Variants in PCDHGA10 observed in about 807,000 individuals in gnomAD.
PCDHGA10 encodes the protein protocadherin gamma-A10.
A neutral mutation model predicts 59.5 loss-of-function variants in PCDHGA10; 42 were observed. The observed-to-expected ratio is 0.71, with a 90% CI of 0.55 to 0.91. The LOEUF is 0.91. Among genes scored for constraint, PCDHGA10 ranks in the 40% least tolerant of loss-of-function variants. The pLI is 0.00. For synonymous variants in PCDHGA10, 511 were observed against 517.2 expected (o/e 0.99, Z 0.16); for missense variants, 1,111 against 1,198.2 (o/e 0.93, Z 1.07).
chr5:141,419,999 C>T (rs369649545), intron 1 of PCDHGA10: 4 of 1,613,960 alleles, frequency 2.5e-6, no homozygotes, highest in Non-Finnish European at 3.4e-6. Flanking sequence ...TATTGCTCTA[C>T]GCCTGCGACA....
At position 141,491,546 on chromosome 5, in the gene PCDHGA10, C is replaced by T; in HGVS notation, c.2437-3261C>T. ...GAGGTGACGCTGCGGCCCACAGACT[C>T]GCAGAGCCACTGCTACAGGACGTGC... On this transcript the variant is annotated intron_variant, in intron 1 of 3. Transcript: ENST00000398610. This position sits in a 1 kb window ranked among gnomAD's most constrained non-coding sequence, Gnocchi z 6.9. 1.9e-6 allele frequency: 3 copies of T among 1,614,038 alleles called. No homozygotes were observed. Among genetic ancestry groups the T allele is most frequent in the Non-Finnish European group, 2.5e-6 (3 of 1,180,024 alleles).
chr5:141,477,296 G>C lies in PCDHGA10; in HGVS notation c.2437-17511G>C. On this transcript the variant is annotated intron_variant, in intron 1 of 3. Transcript: ENST00000398610. This position sits in a 1 kb window ranked among gnomAD's most constrained non-coding sequence, Gnocchi z 4.9. ...GCTGGTGACCTGCGAAGTTCCACCG[G>C]GTCTCCCTTTCAGCCTTACTTCTTC... 3 of 1,614,064 alleles carry C rather than the reference G, an allele frequency of 1.9e-6. No individual in the cohort carries two copies. Among genetic ancestry groups the C allele is most frequent in the African/African-American group, 1.3e-5 (1 of 75,014 alleles).
rs10038103 is a variant in PCDHGA10 at position 141,414,849 on chromosome 5, C to T, written c.1674C>T (p.Asp558=). Residue 558 remains aspartate, a synonymous_variant, in exon 1 of 4, where the codon GAC becomes GAT. Transcript: ENST00000398610. ...SNVSLSLFVL[D]QNDNAPEILY... ...TGTCGTTGAGCCTGTTTGTGCTGGA[C>T]CAGAACGACAATGCGCCCGAGATCC... The T allele has an allele frequency of 7.9e-4, 1,268 of 1,614,252 alleles. 15 individuals carry two copies. In the African/African-American group the frequency reaches 0.015, roughly 19 times the overall value.
At chr5:141,463,955 A>G (rs2154568299) in intron 1 of PCDHGA10, among the ~76,000 whole-genome samples, 1 of 152,288 alleles carries the variant, frequency 6.6e-6, no homozygotes, top group Middle Eastern at 3.4e-3. Flanking sequence ...CTTCATTTTT[A>G]AAATAGCTTC....
chr5:141,422,450 G>C (rs748354292), intron 1 of PCDHGA10: 71 of 1,611,564 alleles, frequency 4.4e-5, no homozygotes, highest in Non-Finnish European at 5.9e-5. Flanking sequence ...TTGATAACAA[G>C]CAGAGTGCTG....
At position 141,431,056 on chromosome 5, in the gene PCDHGA10, C is replaced by T; in HGVS notation, c.2436+15445C>T. ...ACCGGGAGGAGCTCTGTATGGGGGC[C>T]ATCAAGTGTCAATTAAATCTAGACA... On this transcript the variant is annotated intron_variant, in intron 1 of 3. Transcript: ENST00000398610. The surrounding 1 kb of genome is among the most constrained non-coding windows in gnomAD (Gnocchi z 4.8). 1 of 1,614,126 alleles carries T rather than the reference C, an allele frequency of 6.2e-7. No homozygotes were observed. The highest frequency in any genetic ancestry group is 8.5e-7 in the Non-Finnish European group (1 of 1,180,000).
intron 1 of PCDHGA10, among the ~76,000 whole-genome samples, chr5:141,458,876 G>T (rs187470646): frequency 5.0e-4 from 76 of 152,248 alleles, no homozygotes; most frequent in African/African-American, 1.7e-3. Context: ...GGGACTACAG[G>T]CATGCACACC....
In PCDHGA10 at chr5:141,486,828, G is replaced by T. The variant is rs140257646; in HGVS notation, c.2437-7979G>T. ...CCCCTTAGCAGCACTGTAACAGTTC[G>T]TCTATTTGTGCTGGACCTCAATGAC... On this transcript the variant is annotated intron_variant, in intron 1 of 3. Coordinates refer to ENST00000398610, the MANE Select transcript of PCDHGA10 (RefSeq NM_018913.3). This position sits in a 1 kb window ranked among gnomAD's most constrained non-coding sequence, Gnocchi z 5.0. The T allele has an allele frequency of 8.7e-6, 14 of 1,614,218 alleles. No homozygotes were observed. The highest frequency in any genetic ancestry group is 1.2e-5 in the Non-Finnish European group (14 of 1,180,042).
intron 1 of PCDHGA10, among the ~76,000 whole-genome samples, chr5:141,468,962 C>T (rs2099187487): frequency 6.7e-6 from 1 of 148,782 alleles, no homozygotes; most frequent in Non-Finnish European, 1.5e-5. Context: ...GTTTTTTTTA[C>T]CTTAGGCTTT....
chr5:141,475,139 C>T (rs928313061), intron 1 of PCDHGA10, among the ~76,000 whole-genome samples: 2 of 151,928 alleles, frequency 1.3e-5, no homozygotes, highest in African/African-American at 4.8e-5. Flanking sequence ...TTTTTGAAAT[C>T]TTCTCCGTCT....
At chr5:141,504,450 T>C (rs931613781) in intron 2 of PCDHGA10, among the ~76,000 whole-genome samples, 1 of 151,918 alleles carries the variant, frequency 6.6e-6, no homozygotes, top group Non-Finnish European at 1.5e-5. Context: ...ACTAGTGCCA[T>C]GTGGGGCAGC....
intron 1 of PCDHGA10, chr5:141,422,641 A>G (rs557969590): frequency 1.2e-6 from 2 of 1,612,356 alleles, no homozygotes; most frequent in Admixed American, 1.7e-5. Context: ...GGGTGCCTCC[A>G]TCTTCTCAGT....
chr5:141,427,391 A>G (rs942653386), intron 1 of PCDHGA10: 3 of 459,818 alleles, frequency 6.5e-6, no homozygotes, highest in Non-Finnish European at 1.3e-5. Context: ...TGTTCAAAAC[A>G]CATGATAAAG....
At chr5:141,464,134 G>A (rs1270558696) in intron 1 of PCDHGA10, among the ~76,000 whole-genome samples, 1 of 151,944 alleles carries the variant, frequency 6.6e-6, no homozygotes, top group Admixed American at 6.6e-5. Context: ...GTGTGGTGGT[G>A]GGCGCCTGTA....
At position 141,490,219 on chromosome 5, in the gene PCDHGA10, C is replaced by T. The variant is rs771985398; in HGVS notation, c.2437-4588C>T. 2.5e-5 allele frequency: 41 copies of T among 1,614,094 alleles called. No individual in the cohort carries two copies. The highest frequency in any genetic ancestry group is 3.3e-5 in the Non-Finnish European group (39 of 1,180,038). On this transcript the variant is annotated intron_variant, in intron 1 of 3. Coordinates refer to ENST00000398610, the MANE Select transcript of PCDHGA10 (RefSeq NM_018913.3). This position sits in a 1 kb window ranked among gnomAD's most constrained non-coding sequence, Gnocchi z 5.4. ...TCATGCAAGAGCCCGTGACCAGGGA[C>T]AGCCTGCCATGGAGGGCCACTGTGT... is the stretch of plus-strand genomic sequence containing the variant.
chr5:141,418,236 T>C, intron 1 of PCDHGA10: 8 of 1,614,030 alleles, frequency 5.0e-6, no homozygotes, highest in Non-Finnish European at 6.8e-6. Flanking sequence ...ATTGAGGATG[T>C]TAATGACCAC....
intron 3 of PCDHGA10, among the ~76,000 whole-genome samples, chr5:141,505,720 G>A (rs1251781594): frequency 2.2e-4 from 34 of 152,212 alleles, no homozygotes; most frequent in Non-Finnish European, 2.9e-5. Context: ...GACTCATGGA[G>A]GGAATAGTGG....
intron 2 of PCDHGA10, among the ~76,000 whole-genome samples, chr5:141,499,940 G>A (rs1158937971): frequency 4.0e-5 from 6 of 151,722 alleles, no homozygotes; most frequent in Non-Finnish European, 8.8e-5. Flanking sequence ...CACCCTCCTC[G>A]GCCTCCCAAA....
intron 1 of PCDHGA10, among the ~76,000 whole-genome samples, chr5:141,464,222 G>A (rs1189319398): frequency 2.7e-5 from 4 of 147,818 alleles, no homozygotes; most frequent in African/African-American, 7.5e-5. Flanking sequence ...CTGAGATTGC[G>A]CCACTGCACT....
Sources: gnomAD v4.1 joint callset for allele counts (sites outside exome capture counted in the v4.1 genomes callset) on GRCh38, gnomAD v4.1.1 for gene constraint, Gnocchi (gnomAD v3.1) non-coding constraint, MANE v1.5 for transcripts, NCBI Gene and HGNC (gene_info 2026-07-23, HGNC 2026-07-21) for gene names.